Variants in ZNF384 observed in about 807,000 individuals in gnomAD.
ZNF384 encodes the protein zinc finger protein 384, also known as CAG repeat protein 1.
Under a neutral mutation model 65.0 loss-of-function variants are expected in ZNF384, and 20 were observed. That is an observed-to-expected ratio of 0.31 (90% confidence interval 0.22 to 0.45). The LOEUF is 0.45. Ranked by LOEUF, ZNF384 falls within the 20% of genes least tolerant of loss-of-function variation. ZNF384 has a pLI of 1.00. For missense variants in ZNF384, 549 were observed against 769.4 expected, an observed-to-expected ratio of 0.71 and a Z score of 3.39; for synonymous variants, 310 against 303.9, an observed-to-expected ratio of 1.02 and a Z score of -0.21.
rs759193320 is a variant in ZNF384, at chr12:6,667,951, TGCCTGGGAG to T, written c.1581_1589del (p.Ala530_Gln532del). On this transcript the variant is annotated inframe_deletion, in exon 12 of 12. Coordinates refer to ENST00000683879, the MANE Select transcript of ZNF384 (RefSeq NM_001385745.1). ...GCTGCTGCTGCTGCTGCTGCTGTGA[TGCCTGGGAG>T]GCCTGGGCCTGGGCCTGGGCTTGAG... 9.9e-6 allele frequency: 16 copies of T among 1,609,858 alleles called. No individual in the cohort carries two copies. The South Asian group carries it at 1.1e-4, about 11-fold the overall frequency.
intron 9 of ZNF384, chr12:6,671,320 T>C (rs1951415366): frequency 6.4e-6 from 1 of 155,350 alleles, no homozygotes; most frequent in African/African-American, 2.4e-5. Context: ...GTAGTAGTGA[T>C]ATTAATGGAA....
chr12:6,678,625 A>G lies in ZNF384; in HGVS notation c.352+38T>C. 3 of 1,603,902 alleles carry G rather than the reference A, an allele frequency of 1.9e-6. No individual in the cohort carries two copies. The highest frequency in any genetic ancestry group is 2.6e-6 in the Non-Finnish European group (3 of 1,172,680). Reference sequence around the variant, plus strand: ...CCTGTAGAAAAATAATGGTCTCCTAACCCTTGTCCCCACCCCCCTGGTAAC... The same window carrying G: ...CCTGTAGAAAAATAATGGTCTCCTAGCCCTTGTCCCCACCCCCCTGGTAAC... On this transcript the variant is annotated intron_variant, in intron 5 of 11. Transcript: ENST00000683879. The surrounding 1 kb of genome is among the most constrained non-coding windows in gnomAD (Gnocchi z 4.9).
At chr12:6,674,223 A>G (rs1450428598) in intron 7 of ZNF384, among the ~76,000 whole-genome samples, 1 of 152,232 alleles carries the variant, frequency 6.6e-6, no homozygotes, top group Non-Finnish European at 1.5e-5. Flanking sequence ...ACATGGAGCC[A>G]GTGTCAGCAC....
In ZNF384 at chr12:6,681,065, G is replaced by A. The variant is rs138859805; in HGVS notation, c.-5-1540C>T. On this transcript the variant is annotated intron_variant, in intron 2 of 11. Transcript: ENST00000683879. ...AACCCCATCTCTACTAAAAGTACAA[G>A]AAATTAGCCGGGGCATGGTGGCGCA... Among the ~76,000 whole-genome samples the A allele has an allele frequency of 7.7e-3, 1,168 of 151,834 alleles. 16 individuals carry two copies. Among genetic ancestry groups the A allele is most frequent in the African/African-American group, 0.025 (1,019 of 41,418 alleles).
chr12:6,685,605 T>G (rs1453130226), intron 2 of ZNF384, among the ~76,000 whole-genome samples: 1 of 151,816 alleles, frequency 6.6e-6, no homozygotes, highest in African/African-American at 2.4e-5. Context: ...AAATCCCATC[T>G]CTACTAAAAT....
At chr12:6,680,991 C>T (rs1403654849) in intron 2 of ZNF384, among the ~76,000 whole-genome samples, 2 of 151,972 alleles carry the variant, frequency 1.3e-5, no homozygotes, top group African/African-American at 2.4e-5. Flanking sequence ...CCAAGACAGG[C>T]GGATCCCCTG....
rs1212898053 is a variant in ZNF384 at position 6,667,484 on chromosome 12, C to A, written c.*230G>T. 2 of 639,622 alleles carry A rather than the reference C, an allele frequency of 3.1e-6. No homozygotes were observed. The highest frequency in any genetic ancestry group is 5.5e-6 in the Non-Finnish European group (2 of 361,050). The allele number at this position is 639,622 out of a possible 1,614,324, so 39.6% of individuals were successfully genotyped here. On this transcript the variant is annotated 3_prime_UTR_variant, in exon 12 of 12. Transcript: ENST00000683879. ...AAGCTTTGCTTGGGAGGGGAGGCTG[C>A]TGGATGACACCATCAGCTCAGTATT...
chr12:6,684,175 G>A (rs959868001), intron 2 of ZNF384, among the ~76,000 whole-genome samples: 1 of 152,182 alleles, frequency 6.6e-6, no homozygotes, highest in Admixed American at 6.5e-5. Flanking sequence ...TTTGAAATGA[G>A]GAAACTGGAG....
At chr12:6,668,323 T>C (rs1950289623) in intron 11 of ZNF384, among the ~76,000 whole-genome samples, 1 of 152,174 alleles carries the variant, frequency 6.6e-6, no homozygotes, top group Non-Finnish European at 1.5e-5. Flanking sequence ...TCACTCAACA[T>C]TCAACTGGCA....
intron 2 of ZNF384, among the ~76,000 whole-genome samples, chr12:6,683,085 C>T (rs573116459): frequency 6.7e-6 from 1 of 148,176 alleles, no homozygotes; most frequent in African/African-American, 2.5e-5. Flanking sequence ...GAGGTCAGGA[C>T]TTTGAGACCA....
Position 6,667,592 on chromosome 12 carries a change from GAGGCCCAAGGAGATGGAGCCA to G in ZNF384, c.*101_*121del. 1 of 1,291,344 alleles carries G rather than the reference GAGGCCCAAGGAGATGGAGCCA, an allele frequency of 7.7e-7. No homozygotes were observed. Among genetic ancestry groups the G allele is most frequent in the Middle Eastern group, 1.8e-4 (1 of 5,478 alleles). 80.0% of individuals were successfully genotyped at this position (1,291,344 alleles called of 1,614,324 possible). A position where few individuals can be genotyped will look rare whatever the true frequency, so the allele number is the denominator to read the frequency against. ...TATCCTGTGAAGGAAAGCCGTGACA[GAGGCCCAAGGAGATGGAGCCA>G]AGGCCTGTCAAGGAAGAAAAGGACT... On this transcript the variant is annotated 3_prime_UTR_variant, in exon 12 of 12. Coordinates refer to ENST00000683879, the MANE Select transcript of ZNF384 (RefSeq NM_001385745.1).
chr12:6,688,081 C>T (rs1958608210), intron 2 of ZNF384, 86 bp downstream of exon 2: 1 of 152,658 alleles, frequency 6.6e-6, no homozygotes, highest in African/African-American at 2.4e-5. Flanking sequence ...TATTCTATCA[C>T]ATTGTGAAAC....
chr12:6,683,647 G>C (rs1366395914), intron 2 of ZNF384, among the ~76,000 whole-genome samples: 1 of 134,194 alleles, frequency 7.5e-6, no homozygotes, highest in Non-Finnish European at 1.5e-5. Flanking sequence ...GGGTGACAGA[G>C]CAAGACCCTG....
chr12:6,675,439 A>G (rs966266661), intron 7 of ZNF384, among the ~76,000 whole-genome samples: 6 of 152,244 alleles, frequency 3.9e-5, no homozygotes, highest in African/African-American at 1.4e-4. Context: ...TCTTAACACC[A>G]GAGGTATTCA....
intron 7 of ZNF384, among the ~76,000 whole-genome samples, chr12:6,676,489 T>C (rs1312807230): frequency 1.3e-5 from 2 of 152,348 alleles, no homozygotes; most frequent in African/African-American, 2.4e-5. Context: ...CAACTGTATA[T>C]GTGCATTTCT....
chr12:6,673,103 A>G lies in ZNF384; in HGVS notation c.1004+113T>C. ...ACAGTAATAGGAGGTTGAGGCTACC[A>G]ATGGGCAAAGGTGAAAGGGAAAGAA... is the stretch of plus-strand genomic sequence containing the variant. On this transcript the variant is annotated intron_variant, in intron 8 of 11. Coordinates refer to ENST00000683879, the MANE Select transcript of ZNF384 (RefSeq NM_001385745.1). This position sits in a 1 kb window ranked among gnomAD's most constrained non-coding sequence, Gnocchi z 4.7. 1.0e-6 allele frequency: 1 copy of G among 988,342 alleles called. No individual in the cohort carries two copies. The highest frequency in any genetic ancestry group is 1.5e-6 in the Non-Finnish European group (1 of 665,796). The allele number at this position is 988,342 out of a possible 1,614,324, so 61.2% of individuals were successfully genotyped here.
chr12:6,669,928 GCACACGCGCGCGCGCACACACACA>G (rs1241189419), intron 10 of ZNF384, among the ~76,000 whole-genome samples: 1 of 150,122 alleles, frequency 6.7e-6, no homozygotes, highest in Admixed American at 6.7e-5. Flanking sequence ...TCTCAAACAC[GCACACGCGCGCGCGCACACACACA>G]CACACACACA....
chr12:6,677,099 G>A (rs1953937855), intron 7 of ZNF384, 68 bp downstream of exon 7: 8 of 425,836 alleles, frequency 1.9e-5, no homozygotes, highest in Admixed American at 3.0e-5. Flanking sequence ...CAAACGGGAG[G>A]CATAAACAGA....
At chr12:6,676,014 C>A (rs1241138426) in intron 7 of ZNF384, among the ~76,000 whole-genome samples, 1 of 152,154 alleles carries the variant, frequency 6.6e-6, no homozygotes, top group Non-Finnish European at 1.5e-5. Flanking sequence ...AAAAAGATTT[C>A]TTTTGCCAGG....
Sources: gnomAD v4.1 joint callset for allele counts (sites outside exome capture counted in the v4.1 genomes callset) on GRCh38, gnomAD v4.1.1 for gene constraint, Gnocchi (gnomAD v3.1) non-coding constraint, MANE v1.5 for transcripts, NCBI Gene and HGNC (gene_info 2026-07-23, HGNC 2026-07-21) for gene names.